The following PCDHGB3 variants were observed in gnomAD, a reference collection of about 807,000 sequenced individuals.
PCDHGB3 encodes protocadherin gamma-B3.
A neutral mutation model predicts 59.2 loss-of-function variants in PCDHGB3; 40 were observed. The ratio of observed to expected loss-of-function variants is 0.68; its 90% CI spans 0.52 to 0.88. The LOEUF (loss-of-function observed/expected upper bound fraction) is 0.88, where lower values mean the gene tolerates loss of function less well. Among genes scored for constraint, PCDHGB3 ranks in the 40% least tolerant of loss-of-function variants. The pLI, the probability that PCDHGB3 is intolerant of heterozygous loss-of-function variation, is 0.00. For missense variants in PCDHGB3, 1,309 were observed against 1,187.9 expected (o/e 1.10, Z -1.50); for synonymous variants, 581 against 503.6 (o/e 1.15, Z -2.06).
intron 1 of PCDHGB3, among the ~76,000 whole-genome samples, chr5:141,450,951 A>G (rs1018018318): frequency 1.3e-5 from 2 of 151,732 alleles, no homozygotes; most frequent in Non-Finnish European, 2.9e-5. Context: ...CAGCCTCCCA[A>G]GTAGCTGGGA....
At chr5:141,400,943 T>G (rs1253479872) in intron 1 of PCDHGB3, among the ~76,000 whole-genome samples, 1 of 152,260 alleles carries the variant, frequency 6.6e-6, no homozygotes, top group East Asian at 1.9e-4. Flanking sequence ...CTTTCTTCAC[T>G]GATTTCACTG....
In PCDHGB3 at chr5:141,431,253, ACT is replaced by A. The variant is rs757246289; in HGVS notation, c.2415+58449_2415+58450del. On this transcript the variant is annotated intron_variant, in intron 1 of 3. Coordinates refer to ENST00000576222, the MANE Select transcript of PCDHGB3 (RefSeq NM_018924.5). This position sits in a 1 kb window ranked among gnomAD's most constrained non-coding sequence, Gnocchi z 4.8. ...GCCTGGGATCCGGATATCGGGAAGA[ACT>A]CTCTGCAGAGCTACGAGCTCAGCCC... 2.2e-5 allele frequency: 35 copies of A among 1,614,014 alleles called. No individual in the cohort carries two copies. In the South Asian group the frequency reaches 3.1e-4, roughly 14 times the overall value.
Position 141,491,620 on chromosome 5 carries a change from A to C in PCDHGB3, c.2416-3187A>C. On this transcript the variant is annotated intron_variant, in intron 1 of 3. Coordinates refer to ENST00000576222, the MANE Select transcript of PCDHGB3 (RefSeq NM_018924.5). This position sits in a 1 kb window ranked among gnomAD's most constrained non-coding sequence, Gnocchi z 6.9. ...TGACTTCACTTTTCTAAGACCCCTC[A>C]GCGTTCAGCAGCCCACAGCTCTGGC... is the stretch of plus-strand genomic sequence containing the variant. 6.2e-7 allele frequency: 1 copy of C among 1,613,906 alleles called. No individual in the cohort carries two copies. The highest frequency in any genetic ancestry group is 1.1e-5 in the South Asian group (1 of 91,084).
chr5:141,388,469 A>G, intron 1 of PCDHGB3: 11 of 1,613,858 alleles, frequency 6.8e-6, no homozygotes, highest in Non-Finnish European at 8.5e-6. Context: ...CTGAGATGGT[A>G]TTGAAGACAC....
chr5:141,421,860 C>T (rs759779291), intron 1 of PCDHGB3: 1 of 1,613,750 alleles, frequency 6.2e-7, no homozygotes. Flanking sequence ...CTCACCTGCT[C>T]CTCCTCACAG....
chr5:141,395,343 G>T (rs903122712), intron 1 of PCDHGB3: 1 of 1,396,676 alleles, frequency 7.2e-7, no homozygotes, highest in Non-Finnish European at 9.5e-7. Flanking sequence ...TTTTTAAGGT[G>T]TATCACAGAG....
In PCDHGB3 at chr5:141,372,133, G is replaced by T. The variant is rs576893125; in HGVS notation, c.1739G>T (p.Arg580Leu). ...TCTGCGCTCTTCGATATGGTGCCGCGCTCTGCAGAGCCTGGCTACCTGGTG... is the reference window on the plus strand; with the variant it reads ...TCTGCGCTCTTCGATATGGTGCCGCTCTCTGCAGAGCCTGGCTACCTGGTG... ...EGSALFDMVP[R>L]SAEPGYLVTK... is the part of the protein sequence containing the mutation. Residue 580 changes from arginine to leucine, a missense_variant, in exon 1 of 4, where the codon CGC (arginine) becomes CTC (leucine). Coordinates refer to ENST00000576222, the MANE Select transcript of PCDHGB3 (RefSeq NM_018924.5). The T allele has an allele frequency of 1.1e-5, 18 of 1,613,666 alleles. No individual in the cohort carries two copies. Among genetic ancestry groups the T allele is most frequent in the East Asian group, 2.2e-5 (1 of 44,872 alleles).
At position 141,477,891 on chromosome 5, in the gene PCDHGB3, G is replaced by A. The variant is rs750359063; in HGVS notation, c.2416-16916G>A. 130 of 1,614,066 alleles carry A rather than the reference G, an allele frequency of 8.1e-5. 1 individual carries two copies. The highest frequency in any genetic ancestry group is 1.1e-4 in the Non-Finnish European group (125 of 1,180,050). On this transcript the variant is annotated intron_variant, in intron 1 of 3. Coordinates refer to ENST00000576222, the MANE Select transcript of PCDHGB3 (RefSeq NM_018924.5). The surrounding 1 kb of genome is among the most constrained non-coding windows in gnomAD (Gnocchi z 4.9). The stretch of plus-strand genomic sequence containing the variant: ...ACCTCAGCTGGCCACCTAGTGTCAC[G>A]GGTGGTAGGCTGGGACGCGGATGCA...
intron 2 of PCDHGB3, among the ~76,000 whole-genome samples, chr5:141,500,184 TTTTATTTATTTATTTATTTA>T (rs58019021): frequency 1.5e-5 from 2 of 135,966 alleles, no homozygotes; most frequent in Non-Finnish European, 3.2e-5. Flanking sequence ...TCATTTTTAT[TTTTATTTATTTATTTATTTA>T]TTTATTTATT....
chr5:141,505,302 G>GTAC, intron 2 of PCDHGB3, 91 bp from the exon 3 acceptor site: 5 of 1,592,714 alleles, frequency 3.1e-6, no homozygotes, highest in Non-Finnish European at 4.3e-6. Context: ...TAGGGTTAGG[G>GTAC]TACTAGGTTT....
At chr5:141,419,741 A>G (rs769795920) in intron 1 of PCDHGB3, 1 of 1,613,856 alleles carries the variant, frequency 6.2e-7, no homozygotes. Context: ...CGAGGTGCGC[A>G]TGGTGCGTGC....
intron 1 of PCDHGB3, chr5:141,385,874 A>G (rs1465622834): frequency 6.5e-6 from 1 of 153,030 alleles, no homozygotes; most frequent in Non-Finnish European, 1.5e-5. Context: ...GGTTGGATTT[A>G]TGCCTAAAGA....
At chr5:141,398,071 G>C in intron 1 of PCDHGB3, 1 of 1,587,000 alleles carries the variant, frequency 6.3e-7, no homozygotes, top group South Asian at 1.1e-5. Context: ...ACAATACAGA[G>C]GTTATTTGTA....
chr5:141,394,033 G>A, intron 1 of PCDHGB3: 7 of 1,613,540 alleles, frequency 4.3e-6, no homozygotes, highest in Non-Finnish European at 5.9e-6. Context: ...TTAGTGACAA[G>A]GAAATATTTG....
intron 1 of PCDHGB3, chr5:141,398,633 A>G: frequency 6.2e-7 from 1 of 1,614,064 alleles, no homozygotes; most frequent in Non-Finnish European, 8.5e-7. Flanking sequence ...TCTCTGCAGA[A>G]GTATAAACTC....
chr5:141,424,768 A>G (rs143190880), intron 1 of PCDHGB3: 38 of 152,284 alleles, frequency 2.5e-4, no homozygotes, highest in African/African-American at 9.1e-4. Context: ...TCTTATGGCA[A>G]ATAGTACATT....
chr5:141,384,523 C>T, intron 1 of PCDHGB3: 3 of 1,614,256 alleles, frequency 1.9e-6, no homozygotes, highest in South Asian at 1.1e-5. Context: ...GGACCCGCCT[C>T]TCAGCAGCAA....
chr5:141,375,055 G>A, intron 1 of PCDHGB3: 1 of 1,614,042 alleles, frequency 6.2e-7, no homozygotes, highest in South Asian at 1.1e-5. Context: ...CCCGGGATGG[G>A]CCAGGTCTTC....
At chr5:141,414,167 A>T (rs2095716553) in intron 1 of PCDHGB3, 3 of 1,605,526 alleles carry the variant, frequency 1.9e-6, no homozygotes, top group Non-Finnish European at 2.6e-6. Flanking sequence ...GGAGGAGCAT[A>T]TCTTGCAACT....
Sources: allele counts gnomAD v4.1 joint callset (sites outside exome capture counted in the v4.1 genomes callset), GRCh38; gene constraint gnomAD v4.1.1; non-coding constraint Gnocchi (gnomAD v3.1); transcripts MANE v1.5; gene names NCBI Gene and HGNC (gene_info 2026-07-23, HGNC 2026-07-21).